Variants in UBE2E2 observed in about 807,000 individuals in gnomAD.
UBE2E2 encodes the protein ubiquitin-conjugating enzyme E2 E2.
UBE2E2 carries 6 observed loss-of-function variants against 24.7 expected under a neutral mutation model. That is an observed-to-expected ratio of 0.24 (90% confidence interval 0.13 to 0.48). The LOEUF is 0.48. Ranked by LOEUF, UBE2E2 falls within the 20% of genes least tolerant of loss-of-function variation. The pLI, the probability that UBE2E2 is intolerant of heterozygous loss-of-function variation, is 0.99. For missense variants in UBE2E2, 169 were observed against 245.0 expected (o/e 0.69, Z 2.07); for synonymous variants, 104 against 83.6 (o/e 1.24, Z -1.33).
chr3:23,247,824 C>G (rs1559455029), intron 3 of UBE2E2, among the ~76,000 whole-genome samples: 1 of 152,148 alleles, frequency 6.6e-6, no homozygotes, highest in Non-Finnish European at 1.5e-5. Flanking sequence ...TCTTCCTCCC[C>G]TCCCCCTTTT....
chr3:23,553,909 T>C (rs1029113399), intron 5 of UBE2E2, among the ~76,000 whole-genome samples: 1 of 151,954 alleles, frequency 6.6e-6, no homozygotes, highest in Non-Finnish European at 1.5e-5. Flanking sequence ...AAGACACAAA[T>C]AGAAAGATAT....
intron 3 of UBE2E2, among the ~76,000 whole-genome samples, chr3:23,494,786 G>A (rs749567227): frequency 3.3e-5 from 5 of 151,578 alleles, no homozygotes; most frequent in Non-Finnish European, 5.9e-5. Flanking sequence ...GTGCAGTGGC[G>A]CAGTCTTGGC....
intron 3 of UBE2E2, among the ~76,000 whole-genome samples, chr3:23,369,050 TG>T (rs1696333518): frequency 6.6e-6 from 1 of 152,232 alleles, no homozygotes; most frequent in Admixed American, 6.5e-5. Flanking sequence ...CTGCAGAAAC[TG>T]GAATTGCAGA....
intron 3 of UBE2E2, among the ~76,000 whole-genome samples, chr3:23,225,984 A>G (rs138165289): frequency 9.2e-5 from 14 of 152,188 alleles, no homozygotes; most frequent in Non-Finnish European, 2.1e-4. Flanking sequence ...GGTTCAAGCA[A>G]TTCTCTTGCC....
chr3:23,545,485 G>T (rs1187613024), intron 5 of UBE2E2, among the ~76,000 whole-genome samples: 5 of 152,218 alleles, frequency 3.3e-5, no homozygotes, highest in African/African-American at 9.7e-5. Context: ...ATGTTTCAGA[G>T]AGCATGGGGT....
chr3:23,460,181 G>A (rs1234578647), intron 3 of UBE2E2, among the ~76,000 whole-genome samples: 1 of 152,168 alleles, frequency 6.6e-6, no homozygotes, highest in Non-Finnish European at 1.5e-5. Flanking sequence ...TGCCCTCCCA[G>A]AGGTCCTCTG....
chr3:23,276,716 TAA>T (rs1698381646), intron 3 of UBE2E2, among the ~76,000 whole-genome samples: 1 of 152,058 alleles, frequency 6.6e-6, no homozygotes, highest in Non-Finnish European at 1.5e-5. Flanking sequence ...TTCTATTTTA[TAA>T]AAAATAAAAT....
chr3:23,524,873 C>G (rs78997374), intron 4 of UBE2E2, among the ~76,000 whole-genome samples: 11 of 147,380 alleles, frequency 7.5e-5, no homozygotes, highest in Admixed American at 1.3e-4. Flanking sequence ...CAGACACACA[C>G]ACACACACAC....
rs572036230 is a variant in UBE2E2 at position 23,432,319 on chromosome 3, T to C, written c.228-67289T>C. Among the ~76,000 whole-genome samples, 10 of 152,204 alleles carry C rather than the reference T, an allele frequency of 6.6e-5. No homozygotes were observed. The South Asian group carries it at 2.1e-3, about 32-fold the overall frequency. ...GTATCATAAGTGCAATTATTATTTG[T>C]ATGAGGATTCTTCGTTCATAATTGG... On this transcript the variant is annotated intron_variant, in intron 3 of 5. Coordinates refer to ENST00000396703, the MANE Select transcript of UBE2E2 (RefSeq NM_152653.4).
chr3:23,513,616 T>G (rs1694657867), intron 4 of UBE2E2, among the ~76,000 whole-genome samples: 2 of 152,200 alleles, frequency 1.3e-5, no homozygotes, highest in Non-Finnish European at 2.9e-5. Flanking sequence ...CATGTTCAAT[T>G]TTAATAGATT....
At chr3:23,226,481 AAG>A (rs1696829448) in intron 3 of UBE2E2, among the ~76,000 whole-genome samples, 1 of 149,974 alleles carries the variant, frequency 6.7e-6, no homozygotes, top group Middle Eastern at 4.2e-3. Flanking sequence ...TAACTTGTTC[AAG>A]GTTGCCTGAG....
rs566626318 is a variant in UBE2E2, at chr3:23,303,247, C to T, written c.227+85935C>T. Among the ~76,000 whole-genome samples, 446 of 152,018 alleles carry T rather than the reference C, an allele frequency of 2.9e-3. 5 individuals carry two copies. Among genetic ancestry groups the T allele is most frequent in the Non-Finnish European group, 3.9e-3 (267 of 67,980 alleles). ...TTGCAGGAAGACGAACTCAGGTCTC[C>T]CACTGATTCTACATTATAGTGAGTT... On this transcript the variant is annotated intron_variant, in intron 3 of 5. Coordinates refer to ENST00000396703, the MANE Select transcript of UBE2E2 (RefSeq NM_152653.4).
intron 3 of UBE2E2, among the ~76,000 whole-genome samples, chr3:23,290,041 G>T (rs944448889): frequency 6.6e-6 from 1 of 152,220 alleles, no homozygotes; most frequent in East Asian, 1.9e-4. Context: ...TAACACAAGG[G>T]TGAATATATT....
At chr3:23,588,512 A>C (rs934933238) in intron 5 of UBE2E2, among the ~76,000 whole-genome samples, 4 of 149,694 alleles carry the variant, frequency 2.7e-5, no homozygotes, top group African/African-American at 9.9e-5. Context: ...AAACTCCTGG[A>C]CTCAAGCGAT....
At chr3:23,416,323 T>C (rs1438944191) in intron 3 of UBE2E2, among the ~76,000 whole-genome samples, 2 of 152,346 alleles carry the variant, frequency 1.3e-5, no homozygotes, top group East Asian at 3.9e-4. Flanking sequence ...TTAGTTTGGC[T>C]GGATGTGAAA....
At chr3:23,577,224 G>C (rs569510317) in intron 5 of UBE2E2, among the ~76,000 whole-genome samples, 51 of 151,946 alleles carry the variant, frequency 3.4e-4, no homozygotes, top group Non-Finnish European at 7.2e-4. Context: ...AGCCAAAACA[G>C]GCCAAAAGTT....
At chr3:23,285,091 T>C (rs186151900) in intron 3 of UBE2E2, among the ~76,000 whole-genome samples, 1 of 152,216 alleles carries the variant, frequency 6.6e-6, no homozygotes, top group Non-Finnish European at 1.5e-5. Context: ...CTCAATTGTT[T>C]AATTTTTAGC....
chr3:23,506,761 A>G lies in UBE2E2; in HGVS notation c.360+7021A>G, dbSNP rs1694468687. Among the ~76,000 whole-genome samples, 6 of 152,140 alleles carry G rather than the reference A, an allele frequency of 3.9e-5. No individual in the cohort carries two copies. The South Asian group carries it at 1.2e-3, about 32-fold the overall frequency. ...CAATCTTCCCACCCCAGCCTCCCAA[A>G]TGGCTGGGACCACAGGCATTTGCCA... On this transcript the variant is annotated intron_variant, in intron 4 of 5. Coordinates refer to ENST00000396703, the MANE Select transcript of UBE2E2 (RefSeq NM_152653.4).
chr3:23,414,756 T>TG (rs1474004549), intron 3 of UBE2E2, among the ~76,000 whole-genome samples: 1 of 152,136 alleles, frequency 6.6e-6, no homozygotes. Flanking sequence ...CTGTGATAAG[T>TG]GGGATTAGTG....
Sources: gnomAD v4.1 joint callset for allele counts (sites outside exome capture counted in the v4.1 genomes callset) on GRCh38, gnomAD v4.1.1 for gene constraint, MANE v1.5 for transcripts, NCBI Gene and HGNC (gene_info 2026-07-23, HGNC 2026-07-21) for gene names.